GABRB1: variants seen among roughly 807,000 people sequenced by gnomAD.
GABRB1 encodes the protein gamma-aminobutyric acid type A receptor subunit beta1.
GABRB1 carries 17 observed loss-of-function variants against 51.6 expected under a neutral mutation model. That is an observed-to-expected ratio of 0.33 (90% CI 0.23 to 0.49). The LOEUF is 0.49. Ranked by LOEUF, GABRB1 falls within the 20% of genes least tolerant of loss-of-function variation. The pLI is 0.99. For missense variants in GABRB1, 410 were observed against 600.6 expected, an observed-to-expected ratio of 0.68 and a Z score of 3.32; for synonymous variants, 247 against 218.9, an observed-to-expected ratio of 1.13 and a Z score of -1.14.
chr4:47,053,315 G>A (rs148159550), intron 3 of GABRB1, among the ~76,000 whole-genome samples: 4 of 152,102 alleles, frequency 2.6e-5, no homozygotes, highest in Admixed American at 1.3e-4. Context: ...AACTGGGAAC[G>A]CCAAGATGAA....
At chr4:47,022,341 G>T (rs1724950464) in intron 1 of GABRB1, among the ~76,000 whole-genome samples, 1 of 152,030 alleles carries the variant, frequency 6.6e-6, no homozygotes, top group Admixed American at 6.6e-5. Flanking sequence ...GTTTTTTAGA[G>T]TATGAAATTA....
chr4:47,113,833 C>T (rs1715346588), intron 3 of GABRB1, among the ~76,000 whole-genome samples: 1 of 152,160 alleles, frequency 6.6e-6, no homozygotes, highest in African/African-American at 2.4e-5. Context: ...TTATTCAGCC[C>T]CGCAGTTCTG....
At chr4:47,328,919 A>T (rs1362799762) in intron 5 of GABRB1, among the ~76,000 whole-genome samples, 2 of 124,118 alleles carry the variant, frequency 1.6e-5, no homozygotes, top group African/African-American at 6.9e-5. Flanking sequence ...AAGTATAATA[A>T]AAAAAAAAAA....
chr4:47,134,792 G>A (rs1320544882), intron 3 of GABRB1, among the ~76,000 whole-genome samples: 1 of 152,120 alleles, frequency 6.6e-6, no homozygotes, highest in Admixed American at 6.6e-5. Flanking sequence ...GGATATACAA[G>A]GAAGGACAAG....
At chr4:47,124,162 A>C (rs1458692302) in intron 3 of GABRB1, among the ~76,000 whole-genome samples, 1 of 151,200 alleles carries the variant, frequency 6.6e-6, no homozygotes, top group African/African-American at 2.4e-5. Flanking sequence ...TTGAGAAAAA[A>C]AGTTAAAAAT....
intron 4 of GABRB1, among the ~76,000 whole-genome samples, chr4:47,237,136 G>GA (rs1359833233): frequency 6.6e-6 from 1 of 151,790 alleles, no homozygotes; most frequent in Non-Finnish European, 1.5e-5. Context: ...AAAATAAAAT[G>GA]AAAAAGGTTA....
intron 4 of GABRB1, among the ~76,000 whole-genome samples, chr4:47,293,294 A>G (rs1446441306): frequency 6.6e-6 from 1 of 152,040 alleles, no homozygotes; most frequent in Non-Finnish European, 1.5e-5. Flanking sequence ...GGCATGTGCC[A>G]TAATGCTTGG....
chr4:47,099,637 G>A (rs1386381398), intron 3 of GABRB1, among the ~76,000 whole-genome samples: 1 of 152,018 alleles, frequency 6.6e-6, no homozygotes, highest in African/African-American at 2.4e-5. Context: ...TCCTTTAAAT[G>A]CTAGAGAAGC....
intron 1 of GABRB1, among the ~76,000 whole-genome samples, chr4:47,019,661 T>C (rs1388409131): frequency 6.9e-6 from 1 of 145,216 alleles, no homozygotes; most frequent in Admixed American, 7.1e-5. Flanking sequence ...CTTTCTTTCT[T>C]TCTTTCTTTC....
At chr4:47,342,874 A>G (rs1725954258) in intron 5 of GABRB1, among the ~76,000 whole-genome samples, 1 of 152,130 alleles carries the variant, frequency 6.6e-6, no homozygotes, top group South Asian at 2.1e-4. Context: ...AAATGGATCA[A>G]TTACCTGACC....
chr4:47,190,996 C>G (rs1719420956), intron 4 of GABRB1, among the ~76,000 whole-genome samples: 1 of 152,078 alleles, frequency 6.6e-6, no homozygotes, highest in Admixed American at 6.6e-5. Flanking sequence ...CTTGAATTGT[C>G]AAATTTTTAA....
At chr4:47,288,955 T>A (rs936911334) in intron 4 of GABRB1, among the ~76,000 whole-genome samples, 4 of 152,168 alleles carry the variant, frequency 2.6e-5, no homozygotes, top group African/African-American at 9.7e-5. Flanking sequence ...CTTATATTTT[T>A]AAAATATATT....
chr4:47,328,771 GA>G (rs1331199512), intron 5 of GABRB1, among the ~76,000 whole-genome samples: 2 of 152,016 alleles, frequency 1.3e-5, no homozygotes, highest in African/African-American at 4.8e-5. Context: ...CTGTTGTGGG[GA>G]GGGGGGAGCG....
At chr4:47,224,887 G>GCTGTTT (rs1219197854) in intron 4 of GABRB1, among the ~76,000 whole-genome samples, 1 of 151,868 alleles carries the variant, frequency 6.6e-6, no homozygotes, top group Non-Finnish European at 1.5e-5. Context: ...TGTTGCTGTT[G>GCTGTTT]CTGTTGTTTT....
chr4:47,214,782 C>T (rs1214315383), intron 4 of GABRB1, among the ~76,000 whole-genome samples: 5 of 152,102 alleles, frequency 3.3e-5, no homozygotes, highest in Non-Finnish European at 7.4e-5. Flanking sequence ...CATAAGCCAA[C>T]AGAATTTCTC....
At chr4:47,344,510 A>G (rs1332965311) in intron 5 of GABRB1, among the ~76,000 whole-genome samples, 1 of 152,244 alleles carries the variant, frequency 6.6e-6, no homozygotes, top group Non-Finnish European at 1.5e-5. Context: ...CAAAACATAT[A>G]GAAAGTCATG....
At chr4:47,334,645 C>A (rs966072129) in intron 5 of GABRB1, among the ~76,000 whole-genome samples, 1 of 152,174 alleles carries the variant, frequency 6.6e-6, no homozygotes, top group African/African-American at 2.4e-5. Flanking sequence ...TTATTTGACT[C>A]TGTGTCCAGA....
chr4:47,290,814 T>C (rs1338477471), intron 4 of GABRB1, among the ~76,000 whole-genome samples: 3 of 151,796 alleles, frequency 2.0e-5, no homozygotes, highest in Non-Finnish European at 2.9e-5. Flanking sequence ...GTGGAAGAAA[T>C]CTCCAAGCAG....
chr4:47,187,052 G>A (rs948098776), intron 4 of GABRB1, among the ~76,000 whole-genome samples: 4 of 151,904 alleles, frequency 2.6e-5, no homozygotes, highest in Non-Finnish European at 4.4e-5. Context: ...AATATTGGAA[G>A]CAGTATGATG....
Sources: allele counts gnomAD v4.1 joint callset (sites outside exome capture counted in the v4.1 genomes callset), GRCh38; gene constraint gnomAD v4.1.1; transcripts MANE v1.5; gene names NCBI Gene and HGNC (gene_info 2026-07-23, HGNC 2026-07-21).